TMEM117: variants seen among roughly 807,000 people sequenced by gnomAD.
TMEM117 encodes transmembrane protein 117.
In TMEM117, 27 loss-of-function variants were observed where a neutral mutation model predicts 52.4. That is an observed-to-expected ratio of 0.51 (90% CI 0.38 to 0.71). The LOEUF (loss-of-function observed/expected upper bound fraction) is 0.71. Ranked by LOEUF, TMEM117 falls within the 30% of genes least tolerant of loss-of-function variation. TMEM117 has a pLI of 0.00. For synonymous variants in TMEM117, 215 were observed against 206.3 expected, an observed-to-expected ratio of 1.04 and a Z score of -0.36; for missense variants, 556 against 630.5, an observed-to-expected ratio of 0.88 and a Z score of 1.26.
chr12:44,363,538 T>A (rs1276037679), intron 6 of TMEM117, among the ~76,000 whole-genome samples: 1 of 152,336 alleles, frequency 6.6e-6, no homozygotes, highest in South Asian at 2.1e-4. Flanking sequence ...TGATTAATCA[T>A]AAACTACTGA....
intron 4 of TMEM117, among the ~76,000 whole-genome samples, chr12:44,185,857 A>T (rs1949269561): frequency 2.1e-5 from 3 of 145,274 alleles, no homozygotes; most frequent in African/African-American, 7.8e-5. Context: ...TCATTTTCAG[A>T]CCTAAAAGAC....
intron 3 of TMEM117, among the ~76,000 whole-genome samples, chr12:43,995,128 G>A (rs758149537): frequency 2.0e-5 from 3 of 151,956 alleles, no homozygotes; most frequent in Non-Finnish European, 2.9e-5. Flanking sequence ...ACAATTAGTC[G>A]GGTGTGGTGG....
At chr12:44,106,737 A>G (rs1338312927) in intron 3 of TMEM117, among the ~76,000 whole-genome samples, 1 of 30,618 alleles carries the variant, frequency 3.3e-5, no homozygotes, top group African/African-American at 8.6e-5. Context: ...AGATTACATA[A>G]TCTAAATAAT....
intron 3 of TMEM117, among the ~76,000 whole-genome samples, chr12:44,091,898 A>G (rs1349895098): frequency 1.3e-5 from 2 of 152,210 alleles, no homozygotes; most frequent in African/African-American, 4.8e-5. Flanking sequence ...TATTGTAACC[A>G]TATATTTGGA....
rs1009000697 is a variant in TMEM117 at position 44,023,565 on chromosome 12, C to T, written c.410+79223C>T. Among the ~76,000 whole-genome samples the T allele has an allele frequency of 5.9e-5, 9 of 152,220 alleles. No homozygotes were observed. The East Asian group carries it at 1.4e-3, about 23-fold the overall frequency. Reference sequence around the variant, plus strand: ...CATTGTGGTTTTGATTCGCATTTCTCTGATGGCCAGTGATGATGAGCATTT... The same window carrying T: ...CATTGTGGTTTTGATTCGCATTTCTTTGATGGCCAGTGATGATGAGCATTT... On this transcript the variant is annotated intron_variant, in intron 3 of 7. Coordinates refer to ENST00000266534, the MANE Select transcript of TMEM117 (RefSeq NM_032256.3).
At chr12:44,201,056 A>G (rs1437199155) in intron 4 of TMEM117, among the ~76,000 whole-genome samples, 2 of 152,216 alleles carry the variant, frequency 1.3e-5, no homozygotes, top group African/African-American at 4.8e-5. Context: ...TGAGAGGAAA[A>G]TGATGACCAA....
chr12:44,269,188 A>G (rs1393680171), intron 5 of TMEM117, among the ~76,000 whole-genome samples: 1 of 152,080 alleles, frequency 6.6e-6, no homozygotes, highest in Non-Finnish European at 1.5e-5. Context: ...TGATAATTTT[A>G]TTACTCTAAA....
At chr12:44,095,295 T>A (rs1364760020) in intron 3 of TMEM117, among the ~76,000 whole-genome samples, 1 of 152,132 alleles carries the variant, frequency 6.6e-6, no homozygotes, top group Non-Finnish European at 1.5e-5. Context: ...TCTTTTTGGC[T>A]TTTTGTATGT....
chr12:44,044,091 T>G (rs1946843875), intron 3 of TMEM117, among the ~76,000 whole-genome samples: 1 of 152,200 alleles, frequency 6.6e-6, no homozygotes, highest in Non-Finnish European at 1.5e-5. Flanking sequence ...GATTAATCAC[T>G]TTAAACGTAC....
intron 5 of TMEM117, among the ~76,000 whole-genome samples, chr12:44,216,275 G>A (rs1949717500): frequency 6.6e-6 from 1 of 151,986 alleles, no homozygotes; most frequent in South Asian, 2.1e-4. Context: ...CAAAATTCTG[G>A]GATTACAGGC....
chr12:44,165,669 G>T (rs770144890), intron 4 of TMEM117, among the ~76,000 whole-genome samples: 4 of 152,100 alleles, frequency 2.6e-5, no homozygotes, highest in Non-Finnish European at 5.9e-5. Context: ...TGAGCAAGAG[G>T]ACTTAACAAT....
At chr12:43,816,640 T>C in the TMEM117 span, among the ~76,000 whole-genome samples, 1 of 152,188 alleles carries the variant, frequency 6.6e-6, no homozygotes, top group Non-Finnish European at 1.5e-5. Context: ...GGAAACTAGC[T>C]GCAAAGAAAG....
At chr12:44,115,862 A>G (rs146190142) in intron 3 of TMEM117, among the ~76,000 whole-genome samples, 130 of 152,336 alleles carry the variant, frequency 8.5e-4, no homozygotes, top group Non-Finnish European at 1.5e-3. Flanking sequence ...CATACATGAT[A>G]AAGTGCCTTC....
chr12:43,944,416 C>A, intron 3 of TMEM117, 74 bp downstream of exon 3: 2 of 1,381,286 alleles, frequency 1.4e-6, no homozygotes, highest in South Asian at 1.4e-5. Context: ...AGTTTTTTAG[C>A]TTGTAGTAGT....
intron 6 of TMEM117, among the ~76,000 whole-genome samples, chr12:44,341,693 A>G (rs369110309): frequency 1.3e-5 from 2 of 152,232 alleles, no homozygotes; most frequent in African/African-American, 4.8e-5. Flanking sequence ...GCATGGGAGA[A>G]TTTGCAGTCA....
intron 3 of TMEM117, among the ~76,000 whole-genome samples, chr12:44,077,906 A>G (rs2657575): frequency 0.19 from 28,552 of 152,078 alleles, 3,759 homozygotes; most frequent in African/African-American, 0.37. Flanking sequence ...CAAAGACATA[A>G]CTTTAGAAAT....
At chr12:43,827,478 G>A in the TMEM117 span, among the ~76,000 whole-genome samples, 1 of 152,138 alleles carries the variant, frequency 6.6e-6, no homozygotes, top group Non-Finnish European at 1.5e-5. Context: ...TCAGCAGATA[G>A]AAGCAAAATA....
At chr12:44,290,224 T>C (rs1307820028) in intron 5 of TMEM117, among the ~76,000 whole-genome samples, 1 of 152,110 alleles carries the variant, frequency 6.6e-6, no homozygotes, top group African/African-American at 2.4e-5. Context: ...GTTTCTTACT[T>C]TGATGTTATC....
At chr12:44,211,007 G>A (rs1421276865) in intron 4 of TMEM117, among the ~76,000 whole-genome samples, 1 of 151,988 alleles carries the variant, frequency 6.6e-6, no homozygotes, top group African/African-American at 2.4e-5. Context: ...CATATGCTTT[G>A]TTTCTATGGT....
Sources: allele counts gnomAD v4.1 joint callset (sites outside exome capture counted in the v4.1 genomes callset), GRCh38; gene constraint gnomAD v4.1.1; transcripts MANE v1.5; gene names NCBI Gene and HGNC (gene_info 2026-07-23, HGNC 2026-07-21).